OPCML: variants seen among roughly 807,000 people sequenced by gnomAD.
OPCML encodes opioid binding protein/cell adhesion molecule like, also known as opioid-binding protein/cell adhesion molecule.
In OPCML, 13 loss-of-function variants were observed where a neutral mutation model predicts 37.8. The ratio of observed to expected loss-of-function variants is 0.34; its 90% CI spans 0.22 to 0.55. The LOEUF is 0.55. Among genes scored for constraint, OPCML ranks in the 20% least tolerant of loss-of-function variants. The probability of loss-of-function intolerance (pLI) is 0.91; values close to 1 mark genes in which losing one functional copy is unlikely to be tolerated. For missense variants in OPCML, 341 were observed against 435.6 expected, an observed-to-expected ratio of 0.78 and a Z score of 1.93; for synonymous variants, 176 against 168.8, an observed-to-expected ratio of 1.04 and a Z score of -0.33.
At chr11:132,539,094 A>C (rs1478063280) in intron 3 of OPCML, among the ~76,000 whole-genome samples, 1 of 152,248 alleles carries the variant, frequency 6.6e-6, no homozygotes, top group African/African-American at 2.4e-5. Flanking sequence ...TGGAGGTAGA[A>C]TAGCAAATAG....
rs1950027618 is a variant in OPCML, at chr11:133,154,364, T to A, written c.62-211354A>T. Among the ~76,000 whole-genome samples the A allele has an allele frequency of 3.9e-5, 6 of 152,264 alleles. No homozygotes were observed. The South Asian group carries it at 1.2e-3, about 32-fold the overall frequency. On this transcript the variant is annotated intron_variant, in intron 1 of 7. Coordinates refer to ENST00000524381, the MANE Select transcript of OPCML (RefSeq NM_001012393.5). ...CTTCTCTAAATTTAATAAAAGTGCA[T>A]GTTTTAGTGGCCATATCCACCCTTA...
intron 1 of OPCML, among the ~76,000 whole-genome samples, chr11:133,248,950 C>T (rs1049066152): frequency 1.3e-5 from 2 of 152,204 alleles, no homozygotes; most frequent in Non-Finnish European, 2.9e-5. Context: ...GTCATCCCCT[C>T]ATATGTTAAT....
chr11:133,025,806 T>C (rs1464550112), intron 1 of OPCML, among the ~76,000 whole-genome samples: 1 of 146,130 alleles, frequency 6.8e-6, no homozygotes, highest in African/African-American at 2.6e-5. Context: ...CGATCTTGGC[T>C]CACTGCAACC....
chr11:132,577,329 C>G (rs138829049), intron 3 of OPCML, among the ~76,000 whole-genome samples: 1 of 151,698 alleles, frequency 6.6e-6, no homozygotes, highest in Non-Finnish European at 1.5e-5. Flanking sequence ...ATTCTAGCCA[C>G]GGAAATTAAA....
At chr11:132,776,762 A>G (rs1946824113) in intron 2 of OPCML, among the ~76,000 whole-genome samples, 1 of 152,038 alleles carries the variant, frequency 6.6e-6, no homozygotes. Flanking sequence ...ATATTCCTTT[A>G]CAGAGACACA....
At chr11:132,953,313 A>C (rs1371370073) in intron 1 of OPCML, among the ~76,000 whole-genome samples, 2 of 152,196 alleles carry the variant, frequency 1.3e-5, no homozygotes, top group Non-Finnish European at 2.9e-5. Context: ...AACTCCGTGA[A>C]GCTGTCAGCC....
chr11:132,701,774 G>T (rs1341731745), intron 2 of OPCML, among the ~76,000 whole-genome samples: 1 of 143,886 alleles, frequency 6.9e-6, no homozygotes, highest in South Asian at 2.1e-4. Flanking sequence ...GTGTGTGTGT[G>T]TGTGTGTGTG....
At chr11:132,742,333 T>C (rs1282629214) in intron 2 of OPCML, among the ~76,000 whole-genome samples, 1 of 152,220 alleles carries the variant, frequency 6.6e-6, no homozygotes, top group Admixed American at 6.5e-5. Flanking sequence ...GTGGTTTAGA[T>C]AAATTCACGA....
rs557318430 is a variant in OPCML at position 133,322,622 on chromosome 11, C to A, written c.61+209642G>T. ...AAAAAAAAAGACTGGGTTTTAGGCA[C>A]TTGAGGAAGAGCCTTCAGCCTTCCC... On this transcript the variant is annotated intron_variant, in intron 1 of 7. Transcript: ENST00000524381. Among the ~76,000 whole-genome samples the A allele has an allele frequency of 1.1e-3, 171 of 152,298 alleles. 8 individuals are homozygous for A. In the South Asian group the frequency reaches 0.035, roughly 31 times the overall value.
intron 1 of OPCML, among the ~76,000 whole-genome samples, chr11:133,222,091 G>T (rs761635781): frequency 1.3e-5 from 2 of 152,158 alleles, no homozygotes; most frequent in Non-Finnish European, 2.9e-5. Flanking sequence ...ATGCCCTGTA[G>T]TCACTGTGTG....
At chr11:133,395,027 C>T (rs1261889297) in intron 1 of OPCML, among the ~76,000 whole-genome samples, 1 of 152,180 alleles carries the variant, frequency 6.6e-6, no homozygotes, top group African/African-American at 2.4e-5. Flanking sequence ...CACATCCTGC[C>T]AGCATTTGTT....
chr11:133,436,317 C>G (rs546026366), intron 1 of OPCML, among the ~76,000 whole-genome samples: 37 of 152,184 alleles, frequency 2.4e-4, no homozygotes, highest in Middle Eastern at 6.8e-3. Context: ...GTATTTTTGA[C>G]TTGGCAAAAT....
intron 2 of OPCML, among the ~76,000 whole-genome samples, chr11:132,888,439 A>T (rs1943506463): frequency 6.6e-6 from 1 of 152,324 alleles, no homozygotes; most frequent in East Asian, 1.9e-4. Flanking sequence ...AGGGATGCTC[A>T]TGGAGAAGGA....
chr11:132,554,454 C>A (rs137860017), intron 3 of OPCML, among the ~76,000 whole-genome samples: 1 of 152,208 alleles, frequency 6.6e-6, no homozygotes, highest in Non-Finnish European at 1.5e-5. Context: ...TTTGCCAAAG[C>A]ATTCAGAAGC....
intron 1 of OPCML, among the ~76,000 whole-genome samples, chr11:133,308,658 A>G (rs1304495186): frequency 6.6e-6 from 1 of 152,162 alleles, no homozygotes; most frequent in East Asian, 1.9e-4. Context: ...AGTAACAATG[A>G]GCACACCCAG....
chr11:133,126,831 G>A (rs1470203480), intron 1 of OPCML, among the ~76,000 whole-genome samples: 1 of 152,150 alleles, frequency 6.6e-6, no homozygotes, highest in East Asian at 1.9e-4. Context: ...GGACCCACGG[G>A]CACATGCAGG....
chr11:132,968,523 C>A (rs1003018930), intron 1 of OPCML, among the ~76,000 whole-genome samples: 1 of 152,092 alleles, frequency 6.6e-6, no homozygotes, highest in African/African-American at 2.4e-5. Context: ...GCTACCAGTA[C>A]CACCCCTATG....
chr11:132,787,407 A>G (rs929796125), intron 2 of OPCML, among the ~76,000 whole-genome samples: 15 of 152,206 alleles, frequency 9.9e-5, no homozygotes, highest in Non-Finnish European at 1.5e-5. Context: ...TTAAACAAAA[A>G]GCACTTTATG....
intron 2 of OPCML, among the ~76,000 whole-genome samples, chr11:132,919,792 A>C (rs1233866473): frequency 6.6e-6 from 1 of 152,248 alleles, no homozygotes; most frequent in Non-Finnish European, 1.5e-5. Flanking sequence ...TGCCTAAAAA[A>C]TGCCTGAACC....
Sources: gnomAD v4.1 joint callset for allele counts (sites outside exome capture counted in the v4.1 genomes callset) on GRCh38, gnomAD v4.1.1 for gene constraint, MANE v1.5 for transcripts, NCBI Gene and HGNC (gene_info 2026-07-23, HGNC 2026-07-21) for gene names.